Variants in KLHDC1 observed in about 807,000 individuals in gnomAD.
KLHDC1 encodes kelch domain containing 1.
A neutral mutation model predicts 68.3 loss-of-function variants in KLHDC1; 53 were observed. That is an observed-to-expected ratio of 0.78 (90% CI 0.62 to 0.98). The LOEUF is 0.98. KLHDC1 is among the 50% of genes least tolerant of loss of function. KLHDC1 has a pLI of 0.00. For missense variants in KLHDC1, 470 were observed against 492.3 expected, an observed-to-expected ratio of 0.95 and a Z score of 0.43; for synonymous variants, 148 against 159.0, an observed-to-expected ratio of 0.93 and a Z score of 0.52.
chr14:49,725,796 T>A, intron 6 of KLHDC1, 27 bp downstream of exon 6: 1 of 1,160,394 alleles, frequency 8.6e-7, no homozygotes, highest in Non-Finnish European at 1.2e-6. Flanking sequence ...GTCATCTTTA[T>A]ATATTTGTAT....
chr14:49,710,213 A>G (rs1481423975), intron 3 of KLHDC1, 50 bp from the exon 4 acceptor site: 5 of 983,568 alleles, frequency 5.1e-6, no homozygotes, highest in South Asian at 4.0e-5. Context: ...TCTGATATAG[A>G]TTTAATTTTT....
intron 4 of KLHDC1, among the ~76,000 whole-genome samples, chr14:49,722,294 T>C (rs1012310315): frequency 6.6e-6 from 1 of 152,164 alleles, no homozygotes; most frequent in Non-Finnish European, 1.5e-5. Flanking sequence ...GGCCCCGGTG[T>C]GTGATATTCC....
intron 12 of KLHDC1, chr14:49,751,051 G>C (rs144709289): frequency 3.9e-5 from 6 of 152,260 alleles, no homozygotes; most frequent in African/African-American, 1.4e-4. Context: ...TGGTTATTGG[G>C]CTGACTGAAA....
chr14:49,748,719 G>A (rs1014548859), intron 12 of KLHDC1, among the ~76,000 whole-genome samples: 5 of 151,588 alleles, frequency 3.3e-5, no homozygotes, highest in African/African-American at 7.3e-5. Context: ...CCATCGTAGG[G>A]GGTATATATA....
At chr14:49,704,997 C>G (rs1888009878) in intron 1 of KLHDC1, among the ~76,000 whole-genome samples, 1 of 152,050 alleles carries the variant, frequency 6.6e-6, no homozygotes, top group Non-Finnish European at 1.5e-5. Context: ...CAAAGAACTT[C>G]AAAGGGAAAG....
In KLHDC1 at chr14:49,723,833, A is replaced by G. The variant is rs750194680; in HGVS notation, c.405-41A>G. 1.7e-5 allele frequency: 20 copies of G among 1,185,054 alleles called. No individual in the cohort carries two copies. The Admixed American group carries it at 2.2e-4, about 13-fold the overall frequency. 73.4% of individuals were successfully genotyped at this position (1,185,054 alleles called of 1,614,324 possible). A position where few individuals can be genotyped will look rare whatever the true frequency, so the allele number is the denominator to read the frequency against. ...TCAGCTTTCTATGAACAAACTGGAA[A>G]CAGAATTCCTAAAGTGTGTCATTTC... On this transcript the variant is annotated intron_variant, in intron 4 of 12. Coordinates refer to ENST00000359332, the MANE Select transcript of KLHDC1 (RefSeq NM_172193.3).
At chr14:49,724,541 A>C (rs1169379651) in intron 5 of KLHDC1, among the ~76,000 whole-genome samples, 1 of 151,940 alleles carries the variant, frequency 6.6e-6, no homozygotes, top group Non-Finnish European at 1.5e-5. Flanking sequence ...GTGTAAATAC[A>C]TATATATGTG....
chr14:49,745,974 A>T (rs747831539), intron 12 of KLHDC1, among the ~76,000 whole-genome samples: 20 of 152,198 alleles, frequency 1.3e-4, no homozygotes, highest in South Asian at 1.0e-3. Flanking sequence ...GTGACTGGGT[A>T]AAGAAAATTG....
intron 1 of KLHDC1, among the ~76,000 whole-genome samples, chr14:49,699,161 C>A (rs1311790204): frequency 1.1e-3 from 114 of 107,704 alleles, no homozygotes; most frequent in African/African-American, 2.0e-3. Context: ...AAGACTGTCT[C>A]AAAAAAAAAA....
chr14:49,748,072 G>A lies in KLHDC1; in HGVS notation c.1035-3514G>A, dbSNP rs117350880. On this transcript the variant is annotated intron_variant, in intron 12 of 12. Coordinates refer to ENST00000359332, the MANE Select transcript of KLHDC1 (RefSeq NM_172193.3). ...GAATGTAAGAATTAAAAGGATAAGA[G>A]GTTTCTGGTCCAAGAGGAGGATGGG... Among the ~76,000 whole-genome samples, 1,198 of 152,284 alleles carry A rather than the reference G, an allele frequency of 7.9e-3. 8 individuals carry two copies. Among genetic ancestry groups the A allele is most frequent in the Admixed American group, 9.5e-3 (146 of 15,290 alleles).
chr14:49,739,855 A>G, intron 10 of KLHDC1, among the ~76,000 whole-genome samples: 1 of 152,186 alleles, frequency 6.6e-6, no homozygotes, highest in Non-Finnish European at 1.5e-5. Flanking sequence ...GTTCAAAACT[A>G]GCCTCATCTC....
intron 12 of KLHDC1, among the ~76,000 whole-genome samples, chr14:49,750,648 A>C (rs1215187986): frequency 6.6e-6 from 1 of 151,848 alleles, no homozygotes; most frequent in Non-Finnish European, 1.5e-5. Context: ...AATTTTTAAC[A>C]CTTATTTTTT....
At chr14:49,744,816 C>T (rs1048506178) in intron 12 of KLHDC1, among the ~76,000 whole-genome samples, 1 of 152,156 alleles carries the variant, frequency 6.6e-6, no homozygotes, top group African/African-American at 2.4e-5. Flanking sequence ...AGAGGAGGAA[C>T]TTACAGATAC....
chr14:49,714,847 TATAAA>T (rs1032802080), intron 4 of KLHDC1, among the ~76,000 whole-genome samples: 2 of 37,812 alleles, frequency 5.3e-5, no homozygotes, highest in African/African-American at 1.2e-4. Context: ...GTATATATAA[TATAAA>T]ATATGTCTTT....
At chr14:49,735,826 C>T (rs898114368) in intron 10 of KLHDC1, among the ~76,000 whole-genome samples, 5 of 152,020 alleles carry the variant, frequency 3.3e-5, no homozygotes, top group African/African-American at 1.2e-4. Context: ...GCCTGGGCAA[C>T]ATAGTGAGAC....
intron 1 of KLHDC1, among the ~76,000 whole-genome samples, chr14:49,698,293 T>G (rs1194698923): frequency 2.6e-5 from 4 of 152,142 alleles, no homozygotes; most frequent in Admixed American, 2.6e-4. Context: ...AACCTCCGCC[T>G]CCTAGGTTCA....
intron 4 of KLHDC1, among the ~76,000 whole-genome samples, chr14:49,723,240 T>C (rs1383531606): frequency 1.3e-5 from 2 of 150,196 alleles, no homozygotes; most frequent in Non-Finnish European, 3.0e-5. Context: ...CAAGATGAAA[T>C]TTGGGTAGGG....
At chr14:49,736,343 C>T (rs1888929373) in intron 10 of KLHDC1, among the ~76,000 whole-genome samples, 1 of 152,040 alleles carries the variant, frequency 6.6e-6, no homozygotes, top group African/African-American at 2.4e-5. Context: ...TGTGAAAGGA[C>T]ATAAACTATC....
At chr14:49,710,782 G>A (rs1221230747) in intron 4 of KLHDC1, among the ~76,000 whole-genome samples, 1 of 152,046 alleles carries the variant, frequency 6.6e-6, no homozygotes, top group African/African-American at 2.4e-5. Context: ...TGGGAAGAAG[G>A]GGAACTTTAG....
Sources: allele counts gnomAD v4.1 joint callset (sites outside exome capture counted in the v4.1 genomes callset), GRCh38; gene constraint gnomAD v4.1.1; transcripts MANE v1.5; gene names NCBI Gene and HGNC (gene_info 2026-07-23, HGNC 2026-07-21).